The following HNRNPA1 variants were observed in gnomAD, a reference collection of about 807,000 sequenced individuals.
HNRNPA1 encodes the protein epididymis secretory sperm binding protein.
In HNRNPA1, 7 loss-of-function variants were observed where a neutral mutation model predicts 44.4. The observed-to-expected ratio is 0.16, with a 90% CI of 0.09 to 0.30. HNRNPA1 has a LOEUF of 0.30. HNRNPA1 is among the 10% of genes least tolerant of loss of function. The pLI, the probability that HNRNPA1 is intolerant of heterozygous loss-of-function variation, is 1.00. For synonymous variants in HNRNPA1, 169 were observed against 160.6 expected (o/e 1.05, Z -0.40); for missense variants, 193 against 465.8 (o/e 0.41, Z 5.39).
intron 8 of HNRNPA1, 41 bp downstream of exon 8, chr12:54,283,275 AT>A (rs759932641): frequency 3.6e-5 from 58 of 1,600,292 alleles, no homozygotes; most frequent in Non-Finnish European, 4.7e-5. Flanking sequence ...TGACAGCTAG[AT>A]TAGCCTTTTA....
In HNRNPA1 at chr12:54,286,719, T is replaced by A. The variant is rs1484185027; in HGVS notation, c.*2175T>A. The A allele has an allele frequency of 6.6e-6, 1 of 152,178 alleles. No homozygotes were observed. Among genetic ancestry groups the A allele is most frequent in the Non-Finnish European group, 1.5e-5 (1 of 68,034 alleles). The allele number at this position is 152,178 out of a possible 1,614,324, so 9.4% of individuals were successfully genotyped here. On this transcript the variant is annotated 3_prime_UTR_variant, in exon 11 of 11. Transcript: ENST00000340913. ...AAAAACAGAAACTCATCTGTCCAAG[T>A]TCGTGGCAGAAAGGTAAGTTTTTAC...
At position 54,284,720 on chromosome 12, in the gene HNRNPA1, T is replaced by G; in HGVS notation, c.*176T>G. 1 of 444,050 alleles carries G rather than the reference T, an allele frequency of 2.3e-6. No individual in the cohort carries two copies. The highest frequency in any genetic ancestry group is 4.4e-6 in the Non-Finnish European group (1 of 226,130). 27.5% of individuals were successfully genotyped at this position (444,050 alleles called of 1,614,324 possible). A position where few individuals can be genotyped will look rare whatever the true frequency, so the allele number is the denominator to read the frequency against. On this transcript the variant is annotated 3_prime_UTR_variant, in exon 11 of 11. Coordinates refer to ENST00000340913, the MANE Select transcript of HNRNPA1 (RefSeq NM_031157.4). ...GGGCAAAAAACTCGAGGACTGTATT[T>G]GTGACTAATTGTATAACAGGTTATT...
At chr12:54,282,704 C>T (rs764359776) in intron 6 of HNRNPA1, 39 bp downstream of exon 6, 8 of 1,593,918 alleles carry the variant, frequency 5.0e-6, no homozygotes, top group Middle Eastern at 1.7e-4. Flanking sequence ...TGACTTCTCA[C>T]CATCTTTGCT....
At chr12:54,281,184 C>T (rs910410311) in intron 1 of HNRNPA1, 3 of 698,444 alleles carry the variant, frequency 4.3e-6, no homozygotes, top group East Asian at 5.4e-5. Context: ...CGGAAGGCGA[C>T]TAGGGACGCA....
intron 8 of HNRNPA1, 112 bp from the exon 9 acceptor site, chr12:54,283,700 T>G (rs952855026): frequency 1.2e-5 from 12 of 1,016,514 alleles, no homozygotes; most frequent in Non-Finnish European, 1.8e-5. Context: ...CACCATAGTT[T>G]GGGAGAAAGG....
rs1274838864 is a variant in HNRNPA1 at position 54,285,592 on chromosome 12, C to G, written c.*1048C>G. The G allele has an allele frequency of 6.6e-6, 1 of 152,108 alleles. No individual in the cohort carries two copies. Among genetic ancestry groups the G allele is most frequent in the African/African-American group, 2.4e-5 (1 of 41,410 alleles). The allele number at this position is 152,108 out of a possible 1,614,324, so 9.4% of individuals were successfully genotyped here. ...GAGATTCAAACCATACCAATAGAAA[C>G]TAAATTTTTCTACATAATTTCATGT... On this transcript the variant is annotated 3_prime_UTR_variant, in exon 11 of 11. Transcript: ENST00000340913.
At chr12:54,283,295 G>T (rs545165176) in intron 8 of HNRNPA1, 61 bp downstream of exon 8, 1 of 1,565,896 alleles carries the variant, frequency 6.4e-7, no homozygotes, top group Non-Finnish European at 8.7e-7. Flanking sequence ...TAGAGCTTGG[G>T]TTCTGGTGCT....
chr12:54,284,729 T>C lies in HNRNPA1; in HGVS notation c.*185T>C. 1 of 431,286 alleles carries C rather than the reference T, an allele frequency of 2.3e-6. No homozygotes were observed. Among genetic ancestry groups the C allele is most frequent in the Non-Finnish European group, 4.5e-6 (1 of 219,960 alleles). The allele number at this position is 431,286 out of a possible 1,614,324, so 26.7% of individuals were successfully genotyped here. A position where few individuals can be genotyped will look rare whatever the true frequency, so the allele number is the denominator to read the frequency against. On this transcript the variant is annotated 3_prime_UTR_variant, in exon 11 of 11. Coordinates refer to ENST00000340913, the MANE Select transcript of HNRNPA1 (RefSeq NM_031157.4). Reference sequence around the variant, plus strand: ...ACTCGAGGACTGTATTTGTGACTAATTGTATAACAGGTTATTTTAGTTTCT... The same window carrying C: ...ACTCGAGGACTGTATTTGTGACTAACTGTATAACAGGTTATTTTAGTTTCT...
At chr12:54,281,149 GC>G in intron 1 of HNRNPA1, 1 of 699,230 alleles carries the variant, frequency 1.4e-6, no homozygotes, top group South Asian at 1.5e-5. Flanking sequence ...CACCCCTACC[GC>G]CCAAGCCTTT....
chr12:54,284,068 A>G, intron 9 of HNRNPA1, 101 bp downstream of exon 9: 1 of 1,413,772 alleles, frequency 7.1e-7, no homozygotes, highest in East Asian at 2.3e-5. Context: ...CAAAACGTTT[A>G]TAGTTTAGAA....
At chr12:54,281,721 G>A in intron 2 of HNRNPA1, 74 bp from the exon 3 acceptor site, 1 of 1,456,644 alleles carries the variant, frequency 6.9e-7, no homozygotes, top group Non-Finnish European at 9.4e-7. Context: ...GTTTCCTATT[G>A]CCCTATTCAA....
intron 8 of HNRNPA1, among the ~76,000 whole-genome samples, chr12:54,283,570 C>G (rs548315199): frequency 3.9e-5 from 6 of 152,146 alleles, no homozygotes; most frequent in East Asian, 1.9e-4. Flanking sequence ...GAAGGGTATG[C>G]TTGTGCCACT....
chr12:54,285,739 A>G lies in HNRNPA1; in HGVS notation c.*1195A>G, dbSNP rs937235360. The G allele has an allele frequency of 6.6e-6, 1 of 152,066 alleles. No homozygotes were observed. The highest frequency in any genetic ancestry group is 1.5e-5 in the Non-Finnish European group (1 of 68,030). The allele number at this position is 152,066 out of a possible 1,614,324, so 9.4% of individuals were successfully genotyped here. ...CCAATAATGTGTTATTTGTACATAGATTCTTTTGAGCCTTACCTTTGGTGC... is the reference window on the plus strand; with the variant it reads ...CCAATAATGTGTTATTTGTACATAGGTTCTTTTGAGCCTTACCTTTGGTGC... On this transcript the variant is annotated 3_prime_UTR_variant, in exon 11 of 11. Coordinates refer to ENST00000340913, the MANE Select transcript of HNRNPA1 (RefSeq NM_031157.4).
Position 54,283,970 on chromosome 12 carries a change from A to G in HNRNPA1, c.1063+3A>G, listed in dbSNP as rs1565881685. On this transcript the variant is annotated splice_donor_region_variant and intron_variant, in intron 9 of 10. Transcript: ENST00000340913. ...CTTTGCAAAACCACGAAACCAAGGT[A>G]TGGTATCTATGTAATTTTGGATAAT... is the stretch of plus-strand genomic sequence containing the variant. 6.2e-7 allele frequency: 1 copy of G among 1,604,684 alleles called. No individual in the cohort carries two copies.
intron 1 of HNRNPA1, chr12:54,281,092 T>A: frequency 1.4e-6 from 1 of 701,362 alleles, no homozygotes. Context: ...AAACCTTGCC[T>A]TGGTGAGCGA....
chr12:54,282,996 G>T, intron 7 of HNRNPA1, 83 bp from the exon 8 acceptor site: 1 of 1,525,748 alleles, frequency 6.6e-7, no homozygotes, highest in South Asian at 1.2e-5. Flanking sequence ...CGCATGCTGT[G>T]AGCAGGCCTT....
At position 54,287,014 on chromosome 12, in the gene HNRNPA1, T is replaced by G. The variant is rs1449151715; in HGVS notation, c.*2470T>G. The G allele has an allele frequency of 4.6e-5, 7 of 152,194 alleles. No homozygotes were observed. Among genetic ancestry groups the G allele is most frequent in the Non-Finnish European group, 8.8e-5 (6 of 68,018 alleles). 9.4% of individuals were successfully genotyped at this position (152,194 alleles called of 1,614,324 possible). A position where few individuals can be genotyped will look rare whatever the true frequency, so the allele number is the denominator to read the frequency against. On this transcript the variant is annotated 3_prime_UTR_variant, in exon 11 of 11. Coordinates refer to ENST00000340913, the MANE Select transcript of HNRNPA1 (RefSeq NM_031157.4). ...ACTTCGTTATCACTGCCATGCAGTTTACATGAGCTGTTCTGCAGCTCAAAT... is the reference window on the plus strand; with the variant it reads ...ACTTCGTTATCACTGCCATGCAGTTGACATGAGCTGTTCTGCAGCTCAAAT...
chr12:54,281,236 C>T (rs1944161937), intron 1 of HNRNPA1, 150 bp from the exon 2 acceptor site: 2 of 719,294 alleles, frequency 2.8e-6, no homozygotes, highest in South Asian at 1.5e-5. Context: ...CAGCATACGG[C>T]CTCCCTTGAT....
In HNRNPA1 at chr12:54,285,773, T is replaced by C. The variant is rs1944255214; in HGVS notation, c.*1229T>C. On this transcript the variant is annotated 3_prime_UTR_variant, in exon 11 of 11. Coordinates refer to ENST00000340913, the MANE Select transcript of HNRNPA1 (RefSeq NM_031157.4). Reference sequence around the variant, plus strand: ...AGCCTTACCTTTGGTGCTCTCTCAATTTCAGTGCTATTGTACCTAGTAGCA... The same window carrying C: ...AGCCTTACCTTTGGTGCTCTCTCAACTTCAGTGCTATTGTACCTAGTAGCA... 6.6e-6 allele frequency: 1 copy of C among 151,998 alleles called. No individual in the cohort carries two copies. 9.4% of individuals were successfully genotyped at this position (151,998 alleles called of 1,614,324 possible).
Sources: allele counts gnomAD v4.1 joint callset (sites outside exome capture counted in the v4.1 genomes callset), GRCh38; gene constraint gnomAD v4.1.1; transcripts MANE v1.5; gene names NCBI Gene and HGNC (gene_info 2026-07-23, HGNC 2026-07-21).